Variants in SNTG1 observed in about 807,000 individuals in gnomAD.
The protein encoded by SNTG1 is syntrophin gamma 1, also known as gamma-1-syntrophin.
A neutral mutation model predicts 74.7 loss-of-function variants in SNTG1; 39 were observed. That is an observed-to-expected ratio of 0.52 (90% CI 0.40 to 0.68). The LOEUF (loss-of-function observed/expected upper bound fraction) is 0.68, where lower values mean the gene tolerates loss of function less well. Among genes scored for constraint, SNTG1 ranks in the 30% least tolerant of loss-of-function variants. The pLI is 0.00. For missense variants in SNTG1, 685 were observed against 609.5 expected, an observed-to-expected ratio of 1.12 and a Z score of -1.30; for synonymous variants, 254 against 217.1, an observed-to-expected ratio of 1.17 and a Z score of -1.49.
intron 2 of SNTG1, among the ~76,000 whole-genome samples, chr8:50,191,661 C>T (rs1437831216): frequency 6.6e-6 from 1 of 152,052 alleles, no homozygotes; most frequent in African/African-American, 2.4e-5. Context: ...CTGAACCTGT[C>T]AACCCATCAC....
chr8:50,255,999 T>C (rs1163851679), intron 2 of SNTG1, among the ~76,000 whole-genome samples: 1 of 152,172 alleles, frequency 6.6e-6, no homozygotes, highest in Non-Finnish European at 1.5e-5. Flanking sequence ...GACCACCTCT[T>C]CCATTAGCCC....
rs77702748 is a variant in SNTG1 at position 50,393,065 on chromosome 8, A to G, written c.-27-1147A>G. On this transcript the variant is annotated intron_variant, in intron 2 of 18. Transcript: ENST00000642720. ...GATATTTACAGGTTCTTCAAATAAA[A>G]TGTTTAAGAGCAATTTTGAAAAATA... Among the ~76,000 whole-genome samples the G allele has an allele frequency of 4.2e-3, 632 of 152,258 alleles. 11 individuals carry two copies. In the South Asian group the frequency reaches 0.052, roughly 13 times the overall value.
At chr8:50,760,231 AGGAGATTTT>A (rs2095594350) in intron 18 of SNTG1, among the ~76,000 whole-genome samples, 1 of 152,096 alleles carries the variant, frequency 6.6e-6, no homozygotes, top group African/African-American at 2.4e-5. Flanking sequence ...TCTCAGCTTA[AGGAGATTTT>A]GGGCTGAGAC....
At chr8:50,358,451 C>T (rs1263072486) in intron 2 of SNTG1, among the ~76,000 whole-genome samples, 1 of 152,150 alleles carries the variant, frequency 6.6e-6, no homozygotes, top group African/African-American at 2.4e-5. Context: ...GGCCTTGACA[C>T]ACTAAAGGAG....
chr8:50,135,146 C>T (rs1342743704), intron 1 of SNTG1, among the ~76,000 whole-genome samples: 1 of 152,158 alleles, frequency 6.6e-6, no homozygotes, highest in Non-Finnish European at 1.5e-5. Flanking sequence ...GCCCTACCCC[C>T]TGTCAACAAG....
At chr8:50,020,980 C>T (rs1278581361) in intron 1 of SNTG1, among the ~76,000 whole-genome samples, 2 of 152,234 alleles carry the variant, frequency 1.3e-5, no homozygotes, top group Admixed American at 6.5e-5. Context: ...AGGCCTGCTA[C>T]CTCAGAATCC....
At chr8:50,135,171 G>A (rs1047305879) in intron 1 of SNTG1, among the ~76,000 whole-genome samples, 1 of 152,098 alleles carries the variant, frequency 6.6e-6, no homozygotes, top group African/African-American at 2.4e-5. Flanking sequence ...GGCATGAAAA[G>A]TCAATTGATC....
chr8:50,436,361 T>G (rs2093303038), intron 4 of SNTG1, among the ~76,000 whole-genome samples: 1 of 152,172 alleles, frequency 6.6e-6, no homozygotes, highest in Non-Finnish European at 1.5e-5. Context: ...TTCCTGAATC[T>G]TAGTCTTCCA....
At chr8:49,979,075 T>C (rs1812435513) in intron 1 of SNTG1, among the ~76,000 whole-genome samples, 1 of 152,242 alleles carries the variant, frequency 6.6e-6, no homozygotes, top group Non-Finnish European at 1.5e-5. Flanking sequence ...TTCGGTACAT[T>C]AAAAGCCTTC....
At chr8:49,960,072 A>G (rs1220148352) in intron 1 of SNTG1, among the ~76,000 whole-genome samples, 1 of 152,232 alleles carries the variant, frequency 6.6e-6, no homozygotes. Flanking sequence ...AAACCCACAC[A>G]GGGTGCAACT....
chr8:50,074,438 A>G (rs1821641829), intron 1 of SNTG1, among the ~76,000 whole-genome samples: 1 of 152,168 alleles, frequency 6.6e-6, no homozygotes, highest in Admixed American at 6.5e-5. Flanking sequence ...AGAGTTACTA[A>G]CTTACCTAAT....
chr8:50,591,261 T>G (rs2094690141), intron 13 of SNTG1, among the ~76,000 whole-genome samples: 1 of 152,076 alleles, frequency 6.6e-6, no homozygotes, highest in African/African-American at 2.4e-5. Context: ...TATCTCAAAA[T>G]TCAAATGAAT....
intron 4 of SNTG1, among the ~76,000 whole-genome samples, chr8:50,433,082 G>T (rs759003785): frequency 2.6e-5 from 4 of 152,084 alleles, no homozygotes; most frequent in Non-Finnish European, 5.9e-5. Context: ...GAGCCACTGC[G>T]CCAGGCCACA....
chr8:50,268,552 A>G (rs1451047845), intron 2 of SNTG1, among the ~76,000 whole-genome samples: 1 of 152,194 alleles, frequency 6.6e-6, no homozygotes, highest in East Asian at 1.9e-4. Flanking sequence ...TAGCTACAGC[A>G]AACAAGACAG....
At chr8:49,921,209 GA>G (rs1162200822) in intron 1 of SNTG1, among the ~76,000 whole-genome samples, 1 of 151,720 alleles carries the variant, frequency 6.6e-6, no homozygotes, top group Non-Finnish European at 1.5e-5. Flanking sequence ...TCAAAAGTAA[GA>G]AAAAAATAAG....
chr8:50,078,146 T>C (rs1822070202), intron 1 of SNTG1, among the ~76,000 whole-genome samples: 2 of 152,208 alleles, frequency 1.3e-5, no homozygotes, highest in Admixed American at 1.3e-4. Flanking sequence ...TTATATGTTG[T>C]CTTTAGAGAA....
chr8:49,986,354 C>G (rs1469652897), intron 1 of SNTG1, among the ~76,000 whole-genome samples: 1 of 152,110 alleles, frequency 6.6e-6, no homozygotes, highest in African/African-American at 2.4e-5. Context: ...ATGACCCCCT[C>G]TCATATGACT....
At chr8:50,782,399 A>C (rs906037554) in intron 18 of SNTG1, among the ~76,000 whole-genome samples, 3 of 152,060 alleles carry the variant, frequency 2.0e-5, no homozygotes, top group Admixed American at 6.5e-5. Flanking sequence ...AAGCTTTGTT[A>C]GTTTCTTTTT....
At chr8:50,288,983 T>A (rs998760749) in intron 2 of SNTG1, among the ~76,000 whole-genome samples, 26 of 152,226 alleles carry the variant, frequency 1.7e-4, no homozygotes, top group Admixed American at 4.6e-4. Flanking sequence ...TATTTCCAAA[T>A]ATTAGTTCCA....
Sources: allele counts gnomAD v4.1 joint callset (sites outside exome capture counted in the v4.1 genomes callset), GRCh38; gene constraint gnomAD v4.1.1; transcripts MANE v1.5; gene names NCBI Gene and HGNC (gene_info 2026-07-23, HGNC 2026-07-21).